Variants in NAALADL2 observed in about 807,000 individuals in gnomAD.
NAALADL2 encodes the protein inactive N-acetylated-alpha-linked acidic dipeptidase-like protein 2.
Under a neutral mutation model 87.2 loss-of-function variants are expected in NAALADL2, and 76 were observed. That is an observed-to-expected ratio of 0.87 (90% confidence interval 0.72 to 1.05). The LOEUF (loss-of-function observed/expected upper bound fraction) is 1.05, where lower values mean the gene tolerates loss of function less well. Ranked by LOEUF, NAALADL2 falls within the 50% of genes least tolerant of loss-of-function variation. NAALADL2 has a pLI of 0.00. For synonymous variants in NAALADL2, 354 were observed against 331.0 expected, an observed-to-expected ratio of 1.07 and a Z score of -0.75; for missense variants, 1,089 against 945.8, an observed-to-expected ratio of 1.15 and a Z score of -1.99.
intron 1 of NAALADL2, among the ~76,000 whole-genome samples, chr3:174,443,554 A>G (rs1714820968): frequency 6.6e-6 from 1 of 152,216 alleles, no homozygotes; most frequent in Non-Finnish European, 1.5e-5. Flanking sequence ...TCAAGCATGC[A>G]GTTAGCTGGA....
At chr3:175,202,603 C>T (rs557949773) in intron 2 of NAALADL2, among the ~76,000 whole-genome samples, 1 of 152,252 alleles carries the variant, frequency 6.6e-6, no homozygotes, top group South Asian at 2.1e-4. Flanking sequence ...GGCCTCCTGC[C>T]TGGAGGTGGT....
chr3:174,559,547 G>A (rs1713321235), intron 2 of NAALADL2, among the ~76,000 whole-genome samples: 1 of 152,122 alleles, frequency 6.6e-6, no homozygotes, highest in Admixed American at 6.5e-5. Flanking sequence ...GTCAGCTTGG[G>A]CTGCTATAAC....
upstream of NAALADL2, among the ~76,000 whole-genome samples, chr3:174,858,166 A>T (rs1362798701): frequency 1.4e-5 from 2 of 148,080 alleles, no homozygotes; most frequent in African/African-American, 2.4e-5. Context: ...TTATTACAAT[A>T]TTAAATATAT....
intron 11 of NAALADL2, among the ~76,000 whole-genome samples, chr3:175,682,054 C>A (rs1735670020): frequency 6.6e-6 from 1 of 152,038 alleles, no homozygotes; most frequent in Non-Finnish European, 1.5e-5. Context: ...CCCATTATAA[C>A]TTCAGTTCAG....
At chr3:175,706,085 C>A (rs992566889) in intron 11 of NAALADL2, among the ~76,000 whole-genome samples, 1 of 152,022 alleles carries the variant, frequency 6.6e-6, no homozygotes, top group African/African-American at 2.4e-5. Context: ...ACAAAATAGA[C>A]CATGAAGCAG....
intron 3 of NAALADL2, among the ~76,000 whole-genome samples, chr3:175,236,063 G>A (rs184436777): frequency 4.4e-4 from 67 of 152,190 alleles, no homozygotes; most frequent in African/African-American, 1.3e-3. Flanking sequence ...CAGCTTCTCC[G>A]AGGCCCTTAT....
intron 5 of NAALADL2, among the ~76,000 whole-genome samples, chr3:175,418,252 G>A (rs1715019534): frequency 6.6e-6 from 1 of 152,152 alleles, no homozygotes; most frequent in African/African-American, 2.4e-5. Context: ...TCAAGTACAT[G>A]GCCTCAAGGC....
chr3:175,704,104 C>T (rs189272313), intron 11 of NAALADL2, among the ~76,000 whole-genome samples: 4 of 152,188 alleles, frequency 2.6e-5, no homozygotes, highest in East Asian at 3.9e-4. Context: ...ATGTCTTCTC[C>T]CTAAGACTCT....
intron 1 of NAALADL2, among the ~76,000 whole-genome samples, chr3:175,027,877 G>A (rs959478351): frequency 2.0e-5 from 3 of 151,158 alleles, no homozygotes; most frequent in African/African-American, 7.3e-5. Flanking sequence ...TGAACATCTA[G>A]GTAAAGAAAA....
At chr3:175,039,631 G>A (rs759857672) in intron 1 of NAALADL2, among the ~76,000 whole-genome samples, 1 of 152,008 alleles carries the variant, frequency 6.6e-6, no homozygotes, top group Non-Finnish European at 1.5e-5. Context: ...CTTTGTGCTG[G>A]AGTACTTTGA....
intron 3 of NAALADL2, among the ~76,000 whole-genome samples, chr3:174,747,332 C>G (rs184503515): frequency 6.6e-6 from 1 of 152,050 alleles, no homozygotes; most frequent in Non-Finnish European, 1.5e-5. Flanking sequence ...AAGAAAAGCT[C>G]TATATCAGTG....
At chr3:174,974,529 T>G in intron 1 of NAALADL2, among the ~76,000 whole-genome samples, 1 of 152,186 alleles carries the variant, frequency 6.6e-6, no homozygotes, top group Non-Finnish European at 1.5e-5. Context: ...GATAGTGTTG[T>G]GAAAGCTCTT....
chr3:174,904,980 T>C (rs190563814), intron 1 of NAALADL2, among the ~76,000 whole-genome samples: 1 of 152,008 alleles, frequency 6.6e-6, no homozygotes, highest in East Asian at 1.9e-4. Context: ...TCTTATGGGA[T>C]TGCTGTATTG....
At chr3:175,010,892 TCTC>T (rs1749686423) in intron 1 of NAALADL2, among the ~76,000 whole-genome samples, 1 of 152,130 alleles carries the variant, frequency 6.6e-6, no homozygotes, top group African/African-American at 2.4e-5. Context: ...TTTACTTGTT[TCTC>T]ACATATAATC....
At chr3:174,928,919 T>TAA (rs1322840315) in intron 1 of NAALADL2, among the ~76,000 whole-genome samples, 1 of 152,192 alleles carries the variant, frequency 6.6e-6, no homozygotes, top group Non-Finnish European at 1.5e-5. Flanking sequence ...ATGAAACTCT[T>TAA]AGAGTCACTT....
At chr3:175,181,691 A>ATGTG (rs1736505201) in intron 2 of NAALADL2, among the ~76,000 whole-genome samples, 3 of 44,160 alleles carry the variant, frequency 6.8e-5, no homozygotes, top group African/African-American at 1.6e-4. Context: ...ATATATATAT[A>ATGTG]TATATATATA....
intron 10 of NAALADL2, among the ~76,000 whole-genome samples, chr3:175,602,708 T>A (rs769213613): frequency 3.3e-5 from 5 of 152,160 alleles, no homozygotes; most frequent in Non-Finnish European, 7.4e-5. Context: ...ATGCTGTGAT[T>A]CAGCGTTATC....
intron 9 of NAALADL2, among the ~76,000 whole-genome samples, chr3:175,574,396 G>T (rs1469473654): frequency 6.6e-6 from 1 of 152,162 alleles, no homozygotes; most frequent in East Asian, 1.9e-4. Flanking sequence ...AACTTGTTTA[G>T]TTCTGATTGG....
chr3:175,756,515 T>C (rs1454226729), intron 13 of NAALADL2, among the ~76,000 whole-genome samples: 1 of 152,164 alleles, frequency 6.6e-6, no homozygotes, highest in Non-Finnish European at 1.5e-5. Flanking sequence ...AAATCATGTC[T>C]GTCACAGCAG....
Sources: allele counts gnomAD v4.1 joint callset (sites outside exome capture counted in the v4.1 genomes callset), GRCh38; gene constraint gnomAD v4.1.1; transcripts MANE v1.5; gene names NCBI Gene and HGNC (gene_info 2026-07-23, HGNC 2026-07-21).